The following PID1 variants were observed in gnomAD, a reference collection of about 807,000 sequenced individuals.
PID1 encodes PTB-containing, cubilin and LRP1-interacting protein.
PID1 carries 10 observed loss-of-function variants against 19.1 expected under a neutral mutation model. That is an observed-to-expected ratio of 0.52 (90% CI 0.32 to 0.89). The LOEUF (loss-of-function observed/expected upper bound fraction) is 0.89, where lower values mean the gene tolerates loss of function less well. PID1 is among the 40% of genes least tolerant of loss of function. The pLI, the probability that PID1 is intolerant of heterozygous loss-of-function variation, is 0.03. For missense variants in PID1, 248 were observed against 285.3 expected (o/e 0.87, Z 0.94); for synonymous variants, 130 against 116.0 (o/e 1.12, Z -0.78).
intron 2 of PID1, among the ~76,000 whole-genome samples, chr2:229,128,806 G>A (rs892772865): frequency 6.6e-6 from 1 of 152,094 alleles, no homozygotes; most frequent in Non-Finnish European, 1.5e-5. Context: ...AAAATAGAAA[G>A]AGTAAAAAAG....
At chr2:229,219,254 G>C (rs1691913328) in intron 1 of PID1, among the ~76,000 whole-genome samples, 1 of 152,134 alleles carries the variant, frequency 6.6e-6, no homozygotes, top group Non-Finnish European at 1.5e-5. Context: ...GTAAAGGAAA[G>C]AGATTTAACT....
intron 1 of PID1, among the ~76,000 whole-genome samples, chr2:229,181,853 T>G (rs966391113): frequency 2.0e-5 from 3 of 152,208 alleles, no homozygotes; most frequent in Admixed American, 6.5e-5. Context: ...CCCTCTGAAT[T>G]GCCTCCAGCA....
chr2:229,197,948 C>T (rs867647580), intron 1 of PID1, among the ~76,000 whole-genome samples: 20 of 151,908 alleles, frequency 1.3e-4, no homozygotes, highest in African/African-American at 4.1e-4. Context: ...ATTAGTATTC[C>T]GGCTCAAAAC....
At chr2:229,094,431 G>GA (rs968333162) in intron 2 of PID1, among the ~76,000 whole-genome samples, 2 of 151,704 alleles carry the variant, frequency 1.3e-5, no homozygotes, top group Non-Finnish European at 2.9e-5. Context: ...ACAGAATTAG[G>GA]AAAAAAATCC....
At chr2:229,178,094 G>A (rs1175768660) in intron 1 of PID1, among the ~76,000 whole-genome samples, 1 of 152,132 alleles carries the variant, frequency 6.6e-6, no homozygotes, top group African/African-American at 2.4e-5. Context: ...TTCTTAAACT[G>A]TACATCTACT....
At chr2:229,057,689 A>G (rs1036453908) in intron 2 of PID1, among the ~76,000 whole-genome samples, 1 of 152,174 alleles carries the variant, frequency 6.6e-6, no homozygotes, top group African/African-American at 2.4e-5. Context: ...ATAATATTGC[A>G]GATTGTGTGA....
At chr2:229,206,945 T>C (rs1217315213) in intron 1 of PID1, among the ~76,000 whole-genome samples, 2 of 152,152 alleles carry the variant, frequency 1.3e-5, no homozygotes, top group Non-Finnish European at 2.9e-5. Flanking sequence ...ATAGCTTACA[T>C]TTCTATCAGG....
chr2:229,176,457 A>G (rs1690826281), intron 1 of PID1, among the ~76,000 whole-genome samples: 1 of 152,222 alleles, frequency 6.6e-6, no homozygotes, highest in Admixed American at 6.5e-5. Context: ...CCAGGCCTCC[A>G]AGTTCAAAAC....
intron 2 of PID1, among the ~76,000 whole-genome samples, chr2:229,139,109 AAGAAAG>A (rs1396399423): frequency 0.011 from 759 of 72,044 alleles, 49 homozygotes; most frequent in African/African-American, 0.025. Flanking sequence ...GAAAGAAAGA[AAGAAAG>A]AGAAAGAAAG....
chr2:229,266,232 C>T (rs147012451), intron 1 of PID1, among the ~76,000 whole-genome samples: 2 of 151,658 alleles, frequency 1.3e-5, no homozygotes, highest in African/African-American at 2.4e-5. Context: ...TCTAAGCAAC[C>T]GCTCTGAAAA....
rs989022274 is a variant in PID1, at chr2:229,262,696, G to A, written c.30+8318C>T. 4.5e-6 allele frequency: 7 copies of A among 1,551,362 alleles called. No individual in the cohort carries two copies. In the Admixed American group the frequency reaches 9.8e-5, roughly 22 times the overall value. On this transcript the variant is annotated intron_variant, in intron 1 of 2. Transcript: ENST00000392055. ...TTAATCTCTCACCATTTCGGAGGCT[G>A]GAAGTCCAAAATGTAAAGGTTGGCA...
At chr2:229,218,492 T>C (rs1483371991) in intron 1 of PID1, among the ~76,000 whole-genome samples, 1 of 152,126 alleles carries the variant, frequency 6.6e-6, no homozygotes, top group Non-Finnish European at 1.5e-5. Flanking sequence ...GCTGAAGCTT[T>C]GCCAGCAACA....
chr2:229,219,974 G>A (rs2106257527), intron 1 of PID1, among the ~76,000 whole-genome samples: 1 of 152,102 alleles, frequency 6.6e-6, no homozygotes. Context: ...CTGTATATAT[G>A]TGATCGACTG....
intron 1 of PID1, among the ~76,000 whole-genome samples, chr2:229,235,964 T>C (rs949055788): frequency 6.6e-6 from 1 of 152,180 alleles, no homozygotes; most frequent in African/African-American, 2.4e-5. Flanking sequence ...AAGACATTTA[T>C]TCTTCAGCAG....
At chr2:229,190,826 C>A (rs1254193133) in intron 1 of PID1, among the ~76,000 whole-genome samples, 1 of 152,094 alleles carries the variant, frequency 6.6e-6, no homozygotes, top group Non-Finnish European at 1.5e-5. Context: ...CTCTCACTTC[C>A]CAAGGAGATC....
intron 1 of PID1, among the ~76,000 whole-genome samples, chr2:229,162,390 T>C (rs1690508773): frequency 6.6e-6 from 1 of 152,228 alleles, no homozygotes; most frequent in African/African-American, 2.4e-5. Context: ...ATAAAACATC[T>C]TTGGAAGGCA....
At chr2:229,251,226 T>C (rs1176656117) in intron 1 of PID1, among the ~76,000 whole-genome samples, 1 of 151,748 alleles carries the variant, frequency 6.6e-6, no homozygotes, top group Non-Finnish European at 1.5e-5. Context: ...TTTCTTTTAA[T>C]AAAGCACACA....
intron 2 of PID1, among the ~76,000 whole-genome samples, chr2:229,126,942 C>T (rs531781568): frequency 1.3e-5 from 2 of 152,194 alleles, no homozygotes; most frequent in Non-Finnish European, 2.9e-5. Flanking sequence ...CAGGCTCCTC[C>T]AAGCAGGAAG....
At chr2:229,033,080 G>A (rs1693589802) in intron 2 of PID1, among the ~76,000 whole-genome samples, 1 of 152,162 alleles carries the variant, frequency 6.6e-6, no homozygotes, top group Non-Finnish European at 1.5e-5. Context: ...TTATCCTTCT[G>A]GTTGAGCAGT....
Sources: allele counts gnomAD v4.1 joint callset (sites outside exome capture counted in the v4.1 genomes callset), GRCh38; gene constraint gnomAD v4.1.1; transcripts MANE v1.5; gene names NCBI Gene and HGNC (gene_info 2026-07-23, HGNC 2026-07-21).